PLEKHH2: variants seen among roughly 807,000 people sequenced by gnomAD.
PLEKHH2 encodes pleckstrin homology, MyTH4 and FERM domain containing H2.
A neutral mutation model predicts 187.9 loss-of-function variants in PLEKHH2; 129 were observed. The observed-to-expected ratio is 0.69, with a 90% CI of 0.59 to 0.79. The LOEUF is 0.79. PLEKHH2 is among the 30% of genes least tolerant of loss of function. PLEKHH2 has a pLI of 0.00. For synonymous variants in PLEKHH2, 686 were observed against 605.6 expected (o/e 1.13, Z -1.95); for missense variants, 2,076 against 1,751.2 (o/e 1.19, Z -3.31).
At chr2:43,756,578 G>A (rs1161551359) in intron 25 of PLEKHH2, among the ~76,000 whole-genome samples, 4 of 152,194 alleles carry the variant, frequency 2.6e-5, no homozygotes, top group Non-Finnish European at 5.9e-5. Flanking sequence ...AGTACTACTA[G>A]ATGGTGATAG....
intron 24 of PLEKHH2, among the ~76,000 whole-genome samples, chr2:43,750,569 C>T (rs1014802697): frequency 1.3e-5 from 2 of 152,108 alleles, no homozygotes; most frequent in East Asian, 1.9e-4. Context: ...TACTAACCCT[C>T]ATTTGTTGAA....
chr2:43,744,647 C>T (rs1671701962), intron 23 of PLEKHH2, among the ~76,000 whole-genome samples: 1 of 151,924 alleles, frequency 6.6e-6, no homozygotes, highest in Admixed American at 6.6e-5. Flanking sequence ...TCAGGTGGAT[C>T]ATTTGAGGCC....
intron 3 of PLEKHH2, among the ~76,000 whole-genome samples, chr2:43,686,691 C>A (rs1668529292): frequency 6.6e-6 from 1 of 151,972 alleles, no homozygotes. Context: ...GAGTACTATG[C>A]CAAAATAATT....
rs897164772 is a variant in PLEKHH2 at position 43,757,185 on chromosome 2, G to C, written c.3862G>C (p.Val1288Leu). Residue 1288 changes from valine to leucine, a missense_variant, in exon 26 of 30, where the codon GTG (valine) becomes CTG (leucine). Physicochemically the swap from Val to Leu is conservative, Grantham distance 32 (BLOSUM62 1). Coordinates refer to ENST00000282406, the MANE Select transcript of PLEKHH2 (RefSeq NM_172069.4). ...AGGGCATGTTACCAATCAGTGCAAA[G>C]TGAATCAAACTCTAAAGCAAGTCAT... ...PAGHVTNQCK[V>L]NQTLKQVIEK... is the part of the protein sequence containing the mutation. 1 of 1,605,674 alleles carries C rather than the reference G, an allele frequency of 6.2e-7. No individual in the cohort carries two copies. Among genetic ancestry groups the C allele is most frequent in the Non-Finnish European group, 8.5e-7 (1 of 1,176,660 alleles).
chr2:43,691,300 G>A (rs1009067076), intron 3 of PLEKHH2, among the ~76,000 whole-genome samples: 1 of 152,202 alleles, frequency 6.6e-6, no homozygotes, highest in Admixed American at 6.5e-5. Flanking sequence ...GATGTTGGGG[G>A]TGGTCCCCCC....
At chr2:43,665,761 G>A (rs1324018249) in intron 2 of PLEKHH2, among the ~76,000 whole-genome samples, 3 of 129,276 alleles carry the variant, frequency 2.3e-5, no homozygotes, top group Admixed American at 7.8e-5. Context: ...CCCCTGCTGG[G>A]GGGTGCCTCC....
At chr2:43,639,621 G>A (rs906762063) in intron 1 of PLEKHH2, among the ~76,000 whole-genome samples, 8 of 148,728 alleles carry the variant, frequency 5.4e-5, no homozygotes, top group South Asian at 2.1e-4. Context: ...TTTTATGGCC[G>A]AATAATATTC....
chr2:43,691,346 C>T (rs778287490), intron 3 of PLEKHH2, among the ~76,000 whole-genome samples: 19 of 152,132 alleles, frequency 1.2e-4, no homozygotes, highest in Admixed American at 2.0e-4. Context: ...TGGCTGAGCC[C>T]GGGGCTTTTT....
At chr2:43,683,065 A>G (rs1233856901) in intron 3 of PLEKHH2, among the ~76,000 whole-genome samples, 1 of 150,054 alleles carries the variant, frequency 6.7e-6, no homozygotes, top group African/African-American at 2.5e-5. Context: ...TCATCTTTTG[A>G]CTATTGTGAC....
chr2:43,712,122 T>G, intron 14 of PLEKHH2, 103 bp from the exon 15 acceptor site: 1 of 1,419,794 alleles, frequency 7.0e-7, no homozygotes, highest in South Asian at 1.3e-5. Context: ...TTAGCATGTT[T>G]GCTTCTGTGT....
At chr2:43,666,463 C>T (rs12991195) in intron 2 of PLEKHH2, among the ~76,000 whole-genome samples, 58,188 of 148,174 alleles carry the variant, frequency 0.39, 12,245 homozygotes, top group Non-Finnish European at 0.46. Context: ...AGCTGTAGAC[C>T]GGAGCTGTTC....
At chr2:43,693,611 C>A (rs1411456111) in intron 4 of PLEKHH2, among the ~76,000 whole-genome samples, 1 of 150,790 alleles carries the variant, frequency 6.6e-6, no homozygotes, top group African/African-American at 2.4e-5. Context: ...GTAGTCCCAG[C>A]TACTTGGGAG....
intron 24 of PLEKHH2, 71 bp downstream of exon 24, chr2:43,746,034 C>A: frequency 2.1e-6 from 2 of 939,130 alleles, no homozygotes; most frequent in Non-Finnish European, 3.1e-6. Context: ...CTACTATTTA[C>A]CTTTCTATTG....
At chr2:43,701,770 T>A (rs1272287452) in intron 8 of PLEKHH2, among the ~76,000 whole-genome samples, 5 of 149,840 alleles carry the variant, frequency 3.3e-5, no homozygotes, top group Non-Finnish European at 3.0e-5. Flanking sequence ...AATTTTAATT[T>A]TTTTTTTTTT....
chr2:43,727,859 G>A (rs1386308956), intron 17 of PLEKHH2, among the ~76,000 whole-genome samples: 1 of 152,116 alleles, frequency 6.6e-6, no homozygotes, highest in Admixed American at 6.5e-5. Context: ...GATTTGAAAA[G>A]GACTATGTTT....
At chr2:43,733,437 C>T (rs937458412) in intron 19 of PLEKHH2, among the ~76,000 whole-genome samples, 21 of 151,658 alleles carry the variant, frequency 1.4e-4, no homozygotes, top group Non-Finnish European at 2.6e-4. Context: ...CCTCAGATAA[C>T]GGTGGACCTT....
chr2:43,711,608 C>G, intron 14 of PLEKHH2: 3 of 973,440 alleles, frequency 3.1e-6, no homozygotes, highest in Non-Finnish European at 3.7e-6. Flanking sequence ...AAGTAGGAAC[C>G]TGGCCGGGCG....
chr2:43,717,129 G>C (rs1272799361), intron 15 of PLEKHH2, among the ~76,000 whole-genome samples: 3 of 152,166 alleles, frequency 2.0e-5, no homozygotes, highest in Non-Finnish European at 2.9e-5. Context: ...TAAAGAACAA[G>C]AGTGTGGGCC....
chr2:43,700,050 T>C lies in PLEKHH2; in HGVS notation c.1092T>C (p.Asn364=), dbSNP rs780327995. The C allele has an allele frequency of 1.2e-5, 20 of 1,614,036 alleles. 1 individual carries two copies. In the African/African-American group the frequency reaches 2.0e-4, roughly 16 times the overall value. ...AGGAGGCACAGTGGAAAGCTCTAAA[T>C]AGTCCTCTTGGAAAGGGAAATTCTG... ...WQQEAQWKAL[N]SPLGKGNSEL... The change falls in exon 8 of 30, where the codon AAT becomes AAC. Residue 364 remains asparagine, a synonymous_variant. Transcript: ENST00000282406.
Sources: allele counts gnomAD v4.1 joint callset (sites outside exome capture counted in the v4.1 genomes callset), GRCh38; gene constraint gnomAD v4.1.1; transcripts MANE v1.5; gene names NCBI Gene and HGNC (gene_info 2026-07-23, HGNC 2026-07-21).